RMST: variants seen among roughly 807,000 people sequenced by gnomAD.
RMST encodes long intergenic non-protein coding RNA 54.
At chr12:97,469,658 G>A (rs1224594608) in intron 5 of RMST, among the ~76,000 whole-genome samples, 1 of 152,022 alleles carries the variant, frequency 6.6e-6, no homozygotes, top group Non-Finnish European at 1.5e-5. Flanking sequence ...TAAAATCTAG[G>A]TCCTTCAGGT....
At chr12:97,469,639 G>A (rs922436058) in intron 5 of RMST, among the ~76,000 whole-genome samples, 2 of 149,260 alleles carry the variant, frequency 1.3e-5, no homozygotes, top group Non-Finnish European at 3.0e-5. Context: ...ACGAGCAGCT[G>A]AGATGACTTA....
intron 11 of RMST, among the ~76,000 whole-genome samples, chr12:97,554,739 T>C (rs1326969131): frequency 1.3e-5 from 2 of 152,230 alleles, no homozygotes; most frequent in East Asian, 3.8e-4. Context: ...TACTTGATAT[T>C]ATGAAATGTT....
intron 10 of RMST, among the ~76,000 whole-genome samples, chr12:97,496,844 G>T (rs1025142501): frequency 3.3e-5 from 5 of 152,128 alleles, no homozygotes; most frequent in African/African-American, 1.2e-4. Flanking sequence ...CATTGACATT[G>T]AATGCATTTT....
At chr12:97,467,151 AT>A (rs1459115557) in intron 5 of RMST, among the ~76,000 whole-genome samples, 2 of 152,056 alleles carry the variant, frequency 1.3e-5, no homozygotes, top group African/African-American at 4.8e-5. Flanking sequence ...TAAAAAGTGC[AT>A]GTAAATATGC....
intron 10 of RMST, among the ~76,000 whole-genome samples, chr12:97,519,195 A>G (rs1880256663): frequency 6.6e-6 from 1 of 152,240 alleles, no homozygotes; most frequent in Non-Finnish European, 1.5e-5. Context: ...CTTACAGCTC[A>G]TGTATAATTC....
intron 10 of RMST, among the ~76,000 whole-genome samples, chr12:97,525,253 C>A (rs1423363133): frequency 2.0e-5 from 3 of 152,130 alleles, no homozygotes; most frequent in Non-Finnish European, 4.4e-5. Flanking sequence ...TCAACTCAAT[C>A]AACAAATGGT....
intron 10 of RMST, among the ~76,000 whole-genome samples, chr12:97,529,900 G>A (rs1438594841): frequency 6.6e-6 from 1 of 151,980 alleles, no homozygotes; most frequent in Non-Finnish European, 1.5e-5. Context: ...TCTTCCCCCA[G>A]CTTAAATTTG....
At chr12:97,463,017 G>GTCCCTCTCTCTCTCTC (rs1872741144) in intron 3 of RMST, 3 of 129,898 alleles carry the variant, frequency 2.3e-5, no homozygotes, top group African/African-American at 8.3e-5. Flanking sequence ...CAAGTCAGCA[G>GTCCCTCTCTCTCTCTC]TCTCTCTCTC....
intron 5 of RMST, among the ~76,000 whole-genome samples, chr12:97,487,753 T>G (rs758991526): frequency 6.6e-6 from 1 of 152,156 alleles, no homozygotes; most frequent in Non-Finnish European, 1.5e-5. Flanking sequence ...CCTCATCCTC[T>G]CCAATGAAAC....
intron 5 of RMST, among the ~76,000 whole-genome samples, chr12:97,474,755 T>C (rs188399066): frequency 1.4e-3 from 215 of 152,144 alleles, no homozygotes; most frequent in Non-Finnish European, 2.5e-3. Context: ...TTTTATTGAA[T>C]TACAGATTCA....
intron 4 of RMST, among the ~76,000 whole-genome samples, chr12:97,464,005 A>G (rs568241673): frequency 6.6e-6 from 1 of 152,306 alleles, no homozygotes; most frequent in East Asian, 1.9e-4. Flanking sequence ...CTTTCGAGGA[A>G]ATAAGAAATA....
At chr12:97,552,000 A>G (rs1440818546) in intron 11 of RMST, 1 of 152,200 alleles carries the variant, frequency 6.6e-6, no homozygotes. Flanking sequence ...ATCTAGTCAT[A>G]GGTTGTAAGA....
chr12:97,506,675 GTT>G (rs780505590), intron 10 of RMST, among the ~76,000 whole-genome samples: 4,538 of 76,912 alleles, frequency 0.059, 61 homozygotes, highest in East Asian at 0.13. Flanking sequence ...AGGGTAATCT[GTT>G]TTTTTTTTTT....
Position 97,562,107 on chromosome 12 carries a change from T to G in RMST, n.1958+1060T>G, listed in dbSNP as rs11832913. Reference sequence around the variant, plus strand: ...CCACATAACAGTCACAGGATTGCCATGCCAACCTTCAGCAATGTTGGCTTT... The same window carrying G: ...CCACATAACAGTCACAGGATTGCCAGGCCAACCTTCAGCAATGTTGGCTTT... On this transcript the variant is annotated intron_variant and non_coding_transcript_variant, in intron 13 of 13. Transcript: ENST00000640149. 8.4e-3 allele frequency among the ~76,000 whole-genome samples: 1,281 copies of G among 152,238 alleles called. 15 individuals are homozygous for G. Among genetic ancestry groups the G allele is most frequent in the African/African-American group, 0.029 (1,224 of 41,562 alleles).
At chr12:97,480,121 C>T (rs111787823) in intron 5 of RMST, among the ~76,000 whole-genome samples, 2,231 of 133,384 alleles carry the variant, frequency 0.017, 71 homozygotes, top group African/African-American at 0.062. Flanking sequence ...GACAGAGTTT[C>T]GCTCTGTCAC....
chr12:97,501,494 C>T (rs554728517), intron 10 of RMST, among the ~76,000 whole-genome samples: 1 of 152,280 alleles, frequency 6.6e-6, no homozygotes, highest in Admixed American at 6.5e-5. Context: ...AGAGGACAGG[C>T]TCATTGTTGT....
chr12:97,476,831 A>G (rs1565917564), intron 5 of RMST, among the ~76,000 whole-genome samples: 1 of 152,182 alleles, frequency 6.6e-6, no homozygotes, highest in Non-Finnish European at 1.5e-5. Flanking sequence ...TTGGAATTAG[A>G]AAATACTACT....
At chr12:97,473,285 T>C (rs573718863) in intron 5 of RMST, among the ~76,000 whole-genome samples, 1 of 152,266 alleles carries the variant, frequency 6.6e-6, no homozygotes, top group East Asian at 1.9e-4. Flanking sequence ...CTTTAAAAAA[T>C]GTAACTATGT....
chr12:97,495,032 C>T (rs902447992), intron 9 of RMST, among the ~76,000 whole-genome samples: 5 of 151,934 alleles, frequency 3.3e-5, no homozygotes, highest in African/African-American at 1.2e-4. Context: ...ACCTAAAAGC[C>T]GGGCTACTGA....
Sources: gnomAD v4.1 joint callset for allele counts (sites outside exome capture counted in the v4.1 genomes callset) on GRCh38, gnomAD v4.1.1 for gene constraint, MANE v1.5 for transcripts, NCBI Gene and HGNC (gene_info 2026-07-23, HGNC 2026-07-21) for gene names.